The following GAREM1 variants were observed in gnomAD, a reference collection of about 807,000 sequenced individuals.
The protein encoded by GAREM1 is GRB2 associated regulator of MAPK1 subtype 1, also known as GRB2-associated and regulator of MAPK protein 1.
A neutral mutation model predicts 71.3 loss-of-function variants in GAREM1; 26 were observed. That is an observed-to-expected ratio of 0.36 (90% CI 0.27 to 0.51). GAREM1 has a LOEUF of 0.51. Ranked by LOEUF, GAREM1 falls within the 20% of genes least tolerant of loss-of-function variation. The pLI is 0.95. For missense variants in GAREM1, 1,026 were observed against 1,103.1 expected (o/e 0.93, Z 0.99); for synonymous variants, 440 against 433.2 (o/e 1.02, Z -0.20).
intron 2 of GAREM1, among the ~76,000 whole-genome samples, chr18:32,315,465 AAT>A (rs985489758): frequency 6.8e-6 from 1 of 147,344 alleles, no homozygotes; most frequent in Non-Finnish European, 1.5e-5. Flanking sequence ...TATATATATA[AAT>A]ATATATAAAA....
intron 4 of GAREM1, among the ~76,000 whole-genome samples, chr18:32,271,959 T>G (rs143516843): frequency 6.6e-6 from 1 of 152,336 alleles, no homozygotes; most frequent in Non-Finnish European, 1.5e-5. Context: ...ACAGAGCCAA[T>G]TCTGACTCTG....
At chr18:32,402,880 GGAGTGGACCTTTTGGT>G (rs2048328705) in intron 1 of GAREM1, among the ~76,000 whole-genome samples, 2 of 114,556 alleles carry the variant, frequency 1.7e-5, no homozygotes, top group African/African-American at 7.8e-5. Flanking sequence ...CTGTGCTCGT[GGAGTGGACCTTTTGGT>G]TGGATTTTCA....
intron 3 of GAREM1, among the ~76,000 whole-genome samples, chr18:32,308,829 G>T (rs2047284390): frequency 6.7e-6 from 1 of 150,264 alleles, no homozygotes; most frequent in Non-Finnish European, 1.5e-5. Context: ...AAAGAGCGTA[G>T]ACCAAAGCAG....
At chr18:32,335,977 C>T (rs1378845838) in intron 2 of GAREM1, among the ~76,000 whole-genome samples, 1 of 152,146 alleles carries the variant, frequency 6.6e-6, no homozygotes, top group Non-Finnish European at 1.5e-5. Context: ...GCTGACACTA[C>T]CAGAAAGAGT....
chr18:32,469,773 T>A (rs532133546), intron 1 of GAREM1, among the ~76,000 whole-genome samples: 1 of 152,190 alleles, frequency 6.6e-6, no homozygotes, highest in African/African-American at 2.4e-5. Context: ...AGCCCCAAAT[T>A]ACTTTCAGTT....
chr18:32,385,144 A>G (rs1168262973), intron 2 of GAREM1, among the ~76,000 whole-genome samples: 3 of 151,430 alleles, frequency 2.0e-5, no homozygotes, highest in African/African-American at 7.3e-5. Flanking sequence ...AATACTGGAG[A>G]GCTGATTTCA....
intron 2 of GAREM1, among the ~76,000 whole-genome samples, chr18:32,386,988 A>G (rs2048153624): frequency 6.6e-6 from 1 of 151,250 alleles, no homozygotes; most frequent in Non-Finnish European, 1.5e-5. Flanking sequence ...AGAGAATGGC[A>G]TATCTAGGCT....
intron 3 of GAREM1, among the ~76,000 whole-genome samples, chr18:32,295,542 T>C (rs1001395147): frequency 4.6e-5 from 7 of 152,368 alleles, no homozygotes; most frequent in Admixed American, 1.3e-4. Flanking sequence ...TCATACCATA[T>C]ACTGAGTGGT....
chr18:32,356,917 G>A (rs974545757), intron 2 of GAREM1, among the ~76,000 whole-genome samples: 12 of 152,094 alleles, frequency 7.9e-5, no homozygotes, highest in African/African-American at 2.9e-4. Flanking sequence ...GGCAATCAAT[G>A]GCTTTCCATT....
chr18:32,273,725 G>C (rs2041498659), intron 4 of GAREM1, among the ~76,000 whole-genome samples: 1 of 152,112 alleles, frequency 6.6e-6, no homozygotes, highest in Non-Finnish European at 1.5e-5. Context: ...GAGAGAGAGA[G>C]AGAGAAAGAA....
chr18:32,291,294 C>A (rs1210858473), intron 3 of GAREM1, among the ~76,000 whole-genome samples: 1 of 134,686 alleles, frequency 7.4e-6, no homozygotes, highest in African/African-American at 2.7e-5. Flanking sequence ...TTAGTATATA[C>A]ATTTTCTTTT....
At position 32,470,149 on chromosome 18, in the gene GAREM1, G is replaced by T; in HGVS notation, c.121+159C>A. 1 of 846,798 alleles carries T rather than the reference G, an allele frequency of 1.2e-6. No individual in the cohort carries two copies. Among genetic ancestry groups the T allele is most frequent in the Non-Finnish European group, 1.6e-6 (1 of 624,516 alleles). 52.5% of individuals were successfully genotyped at this position (846,798 alleles called of 1,614,324 possible). On this transcript the variant is annotated intron_variant, in intron 1 of 5. Transcript: ENST00000269209. The surrounding 1 kb of genome is among the most constrained non-coding windows in gnomAD (Gnocchi z 4.4). ...TGTCTGCTGCTGGGGGGAGTTGAGA[G>T]CAACGCGCCAGGGCTGCGGCAGCCG...
chr18:32,270,796 G>GT (rs955000272), intron 4 of GAREM1, among the ~76,000 whole-genome samples: 49 of 149,630 alleles, frequency 3.3e-4, no homozygotes, highest in African/African-American at 1.1e-3. Flanking sequence ...ATTAGGTTGT[G>GT]TTTTTTTCAT....
At chr18:32,457,205 GGGAGA>G (rs2048899086) in intron 1 of GAREM1, among the ~76,000 whole-genome samples, 2 of 113,998 alleles carry the variant, frequency 1.8e-5, no homozygotes, top group African/African-American at 7.3e-5. Context: ...TGTGTAGGGG[GGGAGA>G]GAGAGAGAGA....
chr18:32,273,016 G>A (rs190406325), intron 4 of GAREM1, among the ~76,000 whole-genome samples: 7 of 152,282 alleles, frequency 4.6e-5, no homozygotes, highest in Non-Finnish European at 8.8e-5. Flanking sequence ...TTCTTTCTTA[G>A]GGAATATCTA....
intron 4 of GAREM1, among the ~76,000 whole-genome samples, chr18:32,285,464 ACTT>A (rs2047004083): frequency 6.6e-6 from 1 of 152,140 alleles, no homozygotes; most frequent in Non-Finnish European, 1.5e-5. Context: ...GCCCCACAGA[ACTT>A]CTTGTTTTCC....
intron 1 of GAREM1, among the ~76,000 whole-genome samples, chr18:32,402,159 T>C (rs1351279655): frequency 2.6e-5 from 4 of 152,204 alleles, no homozygotes; most frequent in Admixed American, 6.5e-5. Context: ...AACTACTACA[T>C]ATAATGTACT....
intron 2 of GAREM1, among the ~76,000 whole-genome samples, chr18:32,314,820 C>T (rs71361376): frequency 6.6e-6 from 1 of 152,050 alleles, no homozygotes; most frequent in Non-Finnish European, 1.5e-5. Flanking sequence ...AACTCCTGAC[C>T]TCGTGATCCA....
chr18:32,343,464 G>A (rs187895374), intron 2 of GAREM1, among the ~76,000 whole-genome samples: 37 of 151,788 alleles, frequency 2.4e-4, no homozygotes, highest in Middle Eastern at 3.4e-3. Context: ...ACAGGCACCC[G>A]CCAATTTTGT....
Sources: gnomAD v4.1 joint callset for allele counts (sites outside exome capture counted in the v4.1 genomes callset) on GRCh38, gnomAD v4.1.1 for gene constraint, Gnocchi (gnomAD v3.1) non-coding constraint, MANE v1.5 for transcripts, NCBI Gene and HGNC (gene_info 2026-07-23, HGNC 2026-07-21) for gene names.